PRKCI: variants seen among roughly 807,000 people sequenced by gnomAD.
The protein encoded by PRKCI is protein kinase C iota type.
Under a neutral mutation model 84.0 loss-of-function variants are expected in PRKCI, and 43 were observed. That is an observed-to-expected ratio of 0.51 (90% CI 0.40 to 0.66). PRKCI has a LOEUF of 0.66. Among genes scored for constraint, PRKCI ranks in the 30% least tolerant of loss-of-function variants. The pLI, the probability that PRKCI is intolerant of heterozygous loss-of-function variation, is 0.00. For synonymous variants in PRKCI, 216 were observed against 234.4 expected, an observed-to-expected ratio of 0.92 and a Z score of 0.72; for missense variants, 459 against 745.6, an observed-to-expected ratio of 0.62 and a Z score of 4.48.
intron 3 of PRKCI, among the ~76,000 whole-genome samples, chr3:170,263,156 G>A (rs7627411): frequency 0.062 from 7,186 of 116,442 alleles, 560 homozygotes; most frequent in African/African-American, 0.22. Context: ...GCGACAGAGC[G>A]AAACTCTGTC....
chr3:170,254,341 A>G (rs1375469484), intron 2 of PRKCI, among the ~76,000 whole-genome samples: 3 of 151,998 alleles, frequency 2.0e-5, no homozygotes, highest in Non-Finnish European at 4.4e-5. Flanking sequence ...TGCTTTGATT[A>G]CCTGTGATTG....
chr3:170,256,089 T>C (rs1340756029), intron 2 of PRKCI, among the ~76,000 whole-genome samples: 1 of 152,182 alleles, frequency 6.6e-6, no homozygotes, highest in Non-Finnish European at 1.5e-5. Context: ...TGCTAGTGTT[T>C]TGTTGAGGAT....
At chr3:170,251,026 A>G (rs904870709) in intron 2 of PRKCI, among the ~76,000 whole-genome samples, 2 of 152,226 alleles carry the variant, frequency 1.3e-5, no homozygotes, top group African/African-American at 2.4e-5. Context: ...AAAATACTCA[A>G]TCAGAAAGTA....
rs553800246 is a variant in PRKCI, at chr3:170,267,120, C to T, written c.365-795C>T. The stretch of plus-strand genomic sequence containing the variant: ...ATTGTGGTTAGGTAGAATTGGGTGG[C>T]GGGGGGGTGCGGAATATCCTTAATC... On this transcript the variant is annotated intron_variant, in intron 4 of 17. Coordinates refer to ENST00000295797, the MANE Select transcript of PRKCI (RefSeq NM_002740.6). 7.9e-5 allele frequency among the ~76,000 whole-genome samples: 12 copies of T among 151,306 alleles called. No individual in the cohort carries two copies. The South Asian group carries it at 1.3e-3, about 16-fold the overall frequency.
At position 170,222,618 on chromosome 3, in the gene PRKCI, A is replaced by C; in HGVS notation, c.-52A>C. The C allele has an allele frequency of 6.8e-7, 1 of 1,473,856 alleles. No homozygotes were observed. The highest frequency in any genetic ancestry group is 9.1e-7 in the Non-Finnish European group (1 of 1,100,022). The allele number at this position is 1,473,856 out of a possible 1,614,324, so 91.3% of individuals were successfully genotyped here. On this transcript the variant is annotated 5_prime_UTR_variant, in exon 1 of 18. Transcript: ENST00000295797. ...GCGGCGGAGTCCCCCACGGCGCCCG[A>C]AGCGCCCCCCCGCACCCCCGGCCTC...
chr3:170,223,244 A>G (rs903708171), intron 1 of PRKCI, among the ~76,000 whole-genome samples: 2 of 152,132 alleles, frequency 1.3e-5, no homozygotes. Flanking sequence ...TCTCTGAGAT[A>G]TACCTCCATC....
chr3:170,235,206 C>T (rs1732939143), intron 1 of PRKCI, 24 bp from the exon 2 acceptor site: 1 of 1,607,588 alleles, frequency 6.2e-7, no homozygotes, highest in South Asian at 1.1e-5. Flanking sequence ...CATTTTCAAA[C>T]TGAAAACTCC....
intron 12 of PRKCI, among the ~76,000 whole-genome samples, chr3:170,285,500 G>A (rs1405069887): frequency 6.6e-6 from 1 of 152,148 alleles, no homozygotes; most frequent in Non-Finnish European, 1.5e-5. Flanking sequence ...TCCTCACATA[G>A]CAATACAACA....
chr3:170,275,683 G>A (rs778269641), intron 8 of PRKCI, among the ~76,000 whole-genome samples: 3 of 151,674 alleles, frequency 2.0e-5, no homozygotes, highest in Non-Finnish European at 4.4e-5. Context: ...TATTTTATCA[G>A]TTTTTAAAAC....
chr3:170,226,442 TA>T (rs1732630136), intron 1 of PRKCI, among the ~76,000 whole-genome samples: 1 of 152,182 alleles, frequency 6.6e-6, no homozygotes, highest in Admixed American at 6.5e-5. Context: ...TATCCTTATA[TA>T]AAATTACTTG....
At chr3:170,224,716 G>A (rs756568938) in intron 1 of PRKCI, among the ~76,000 whole-genome samples, 3 of 152,034 alleles carry the variant, frequency 2.0e-5, no homozygotes, top group Non-Finnish European at 4.4e-5. Flanking sequence ...TAGAGACGGG[G>A]TTTCACCATA....
Position 170,275,722 on chromosome 3 carries a change from AAAT to A in PRKCI, c.705+442_705+444del, listed in dbSNP as rs570012093. ...ACAAATAATTAAAATGATTTGATTAAAATAATAATCAGTTTTTTGAAAAAAGCT... is the reference window on the plus strand; with the variant it reads ...ACAAATAATTAAAATGATTTGATTAAAATAATCAGTTTTTTGAAAAAAGCT... On this transcript the variant is annotated intron_variant, in intron 8 of 17. Coordinates refer to ENST00000295797, the MANE Select transcript of PRKCI (RefSeq NM_002740.6). 3.7e-3 allele frequency among the ~76,000 whole-genome samples: 568 copies of A among 152,258 alleles called. 5 individuals carry two copies. Among genetic ancestry groups the A allele is most frequent in the African/African-American group, 0.013 (523 of 41,554 alleles).
intron 4 of PRKCI, among the ~76,000 whole-genome samples, chr3:170,267,090 A>G (rs1263627722): frequency 6.6e-6 from 1 of 152,048 alleles, no homozygotes; most frequent in Non-Finnish European, 1.5e-5. Flanking sequence ...GACATGGTAA[A>G]TGGTATTGTG....
chr3:170,263,590 C>A (rs1733786420), intron 4 of PRKCI, among the ~76,000 whole-genome samples, 161 bp downstream of exon 4: 1 of 152,022 alleles, frequency 6.6e-6, no homozygotes, highest in Non-Finnish European at 1.5e-5. Flanking sequence ...TCGCTTAAGC[C>A]CAGGAGTTCA....
At chr3:170,263,681 C>G (rs749631464) in intron 4 of PRKCI, among the ~76,000 whole-genome samples, 6 of 152,198 alleles carry the variant, frequency 3.9e-5, no homozygotes, top group South Asian at 2.1e-4. Flanking sequence ...CCTATAATCT[C>G]AGCTACTTGG....
intron 7 of PRKCI, 43 bp from the exon 8 acceptor site, chr3:170,275,186 C>T: frequency 1.6e-6 from 2 of 1,272,306 alleles, no homozygotes; most frequent in South Asian, 2.0e-5. Context: ...TTCTCCTGCA[C>T]CTTTTTTTTT....
At position 170,237,048 on chromosome 3, in the gene PRKCI, A is replaced by G. The variant is rs190389454; in HGVS notation, c.223+1697A>G. On this transcript the variant is annotated intron_variant, in intron 2 of 17. Transcript: ENST00000295797. ...GGAATACAAAGGAAGACACATCTAT[A>G]ATACATCTGCAATGTTTGACATAAA... is the stretch of plus-strand genomic sequence containing the variant. Among the ~76,000 whole-genome samples, 38 of 152,304 alleles carry G rather than the reference A, an allele frequency of 2.5e-4. No homozygotes were observed. The East Asian group carries it at 6.9e-3, about 28-fold the overall frequency.
In PRKCI at chr3:170,305,047, A is replaced by G. The variant is rs1734922730; in HGVS notation, c.*1920A>G. ...TTTATATACATCCACATGTTTATTT[A>G]ATATGTTTCTCTTAACACCTGAAAC... On this transcript the variant is annotated 3_prime_UTR_variant, in exon 18 of 18. Transcript: ENST00000295797. 6.6e-6 allele frequency: 1 copy of G among 152,236 alleles called. No homozygotes were observed. Among genetic ancestry groups the G allele is most frequent in the African/African-American group, 2.4e-5 (1 of 41,460 alleles). The allele number at this position is 152,236 out of a possible 1,614,324, so 9.4% of individuals were successfully genotyped here.
At chr3:170,276,139 A>G (rs1229932111) in intron 8 of PRKCI, among the ~76,000 whole-genome samples, 2 of 151,980 alleles carry the variant, frequency 1.3e-5, no homozygotes, top group Admixed American at 6.6e-5. Context: ...GAGTCTCACT[A>G]TGTTGCCCAA....
Sources: gnomAD v4.1 joint callset for allele counts (sites outside exome capture counted in the v4.1 genomes callset) on GRCh38, gnomAD v4.1.1 for gene constraint, MANE v1.5 for transcripts, NCBI Gene and HGNC (gene_info 2026-07-23, HGNC 2026-07-21) for gene names.